The following DAB1 variants were observed in gnomAD, a reference collection of about 807,000 sequenced individuals.
The protein encoded by DAB1 is DAB adaptor protein 1.
DAB1 carries 15 observed loss-of-function variants against 64.6 expected under a neutral mutation model. That is an observed-to-expected ratio of 0.23 (90% CI 0.16 to 0.36). The LOEUF is 0.36. DAB1 is among the 10% of genes least tolerant of loss of function. The pLI, the probability that DAB1 is intolerant of heterozygous loss-of-function variation, is 1.00. For missense variants in DAB1, 596 were observed against 706.7 expected (o/e 0.84, Z 1.78); for synonymous variants, 235 against 251.9 (o/e 0.93, Z 0.64).
At chr1:58,286,502 C>A (rs1170609206) in intron 4 of DAB1, among the ~76,000 whole-genome samples, 1 of 152,074 alleles carries the variant, frequency 6.6e-6, no homozygotes, top group Non-Finnish European at 1.5e-5. Context: ...GAAAAGTGGA[C>A]AAAGGACATG....
intron 4 of DAB1, among the ~76,000 whole-genome samples, chr1:58,224,945 G>A (rs1659381192): frequency 1.3e-5 from 2 of 152,140 alleles, no homozygotes; most frequent in Admixed American, 1.3e-4. Flanking sequence ...GGCAACAAAA[G>A]CCAAAATTGA....
At chr1:58,325,256 T>C (rs985664499) in intron 4 of DAB1, among the ~76,000 whole-genome samples, 3 of 152,360 alleles carry the variant, frequency 2.0e-5, no homozygotes, top group South Asian at 2.1e-4. Flanking sequence ...GTTTACCCCA[T>C]GGGGGCTGTG....
chr1:57,964,829 G>A (rs1278952974), intron 5 of DAB1, among the ~76,000 whole-genome samples: 1 of 152,164 alleles, frequency 6.6e-6, no homozygotes, highest in East Asian at 1.9e-4. Flanking sequence ...AGGAAAGAGG[G>A]AGGCAGGAAG....
chr1:57,002,395 A>G lies in DAB1; in HGVS notation c.*16-4267T>C, dbSNP rs138210924. ...AGGCATCTCTGAAAGAGGGTGTTAG[A>G]AAGAATGTATCACAAGATTTGGGCT... On this transcript the variant is annotated intron_variant, in intron 14 of 14. Coordinates refer to ENST00000371236, the MANE Select transcript of DAB1 (RefSeq NM_001365792.1). 3.6e-3 allele frequency among the ~76,000 whole-genome samples: 552 copies of G among 152,308 alleles called. 2 individuals are homozygous for G. The highest frequency in any genetic ancestry group is 0.012 in the African/African-American group (505 of 41,550).
rs1356254379 is a variant in DAB1 at position 57,004,673 on chromosome 1, A to G, written c.*15+6007T>C. Among the ~76,000 whole-genome samples the G allele has an allele frequency of 5.9e-5, 9 of 152,334 alleles. No individual in the cohort carries two copies. In the East Asian group the frequency reaches 1.7e-3, roughly 29 times the overall value. ...TTAGGACTAGCTCAGTGGGAGTTTT[A>G]CATTCCTTGGCTTGACAAATGAAAA... On this transcript the variant is annotated intron_variant, in intron 14 of 14. Transcript: ENST00000371236.
rs146915739 is a variant in DAB1, at chr1:58,143,237, C to A, written n.387+7274G>T. Among the ~76,000 whole-genome samples, 302 of 152,232 alleles carry A rather than the reference C, an allele frequency of 2.0e-3. 1 individual carries two copies. The highest frequency in any genetic ancestry group is 6.1e-3 in the African/African-American group (254 of 41,554). ...ATGCTTTATTGAATGGAAGTGTTTA[C>A]ATGACACAGCCCCTAACATGCTGGT... On this transcript the variant is annotated intron_variant and non_coding_transcript_variant, in intron 5 of 20. Transcript: ENST00000485760.
At chr1:58,443,613 A>C (rs1275854453) in intron 3 of DAB1, among the ~76,000 whole-genome samples, 1 of 152,246 alleles carries the variant, frequency 6.6e-6, no homozygotes, top group African/African-American at 2.4e-5. Context: ...GTAAGATATT[A>C]ACCTTGCGGA....
At chr1:57,081,467 A>C (rs1313886942) in intron 4 of DAB1, among the ~76,000 whole-genome samples, 1 of 152,216 alleles carries the variant, frequency 6.6e-6, no homozygotes, top group Non-Finnish European at 1.5e-5. Context: ...AAGTCATCAG[A>C]AAAAGAAAAG....
intron 2 of DAB1, among the ~76,000 whole-genome samples, chr1:57,243,653 G>A (rs1359063574): frequency 1.3e-5 from 2 of 152,162 alleles, no homozygotes; most frequent in Non-Finnish European, 2.9e-5. Flanking sequence ...GGCCAGGAAG[G>A]TTTCAATGCA....
chr1:57,387,632 A>G (rs1681984386), intron 1 of DAB1, among the ~76,000 whole-genome samples: 1 of 151,964 alleles, frequency 6.6e-6, no homozygotes, highest in Admixed American at 6.6e-5. Context: ...GAGTAGCTTG[A>G]CCGATGTGGT....
At chr1:57,873,322 G>C (rs1227111366) in intron 1 of DAB1, among the ~76,000 whole-genome samples, 1 of 152,064 alleles carries the variant, frequency 6.6e-6, no homozygotes, top group South Asian at 2.1e-4. Context: ...AGTAGGGTGA[G>C]AGCAGGGTCT....
At chr1:57,398,183 G>T (rs1465400024) in intron 1 of DAB1, among the ~76,000 whole-genome samples, 1 of 152,222 alleles carries the variant, frequency 6.6e-6, no homozygotes, top group East Asian at 1.9e-4. Flanking sequence ...CCCATAGGCG[G>T]CAGAGAGAAT....
rs140474077 is a variant in DAB1, at chr1:57,859,991, T to C, written n.87+24008A>G. ...TGTTCTGATCTTCAGAGCTTTTTCA[T>C]ATCCCTAATTTCATGTGGGCTCCTG... On this transcript the variant is annotated intron_variant and non_coding_transcript_variant, in intron 1 of 1. Transcript: ENST00000477280. Among the ~76,000 whole-genome samples the C allele has an allele frequency of 8.7e-4, 132 of 152,318 alleles. 1 individual carries two copies. The highest frequency in any genetic ancestry group is 3.0e-3 in the African/African-American group (125 of 41,576).
intron 3 of DAB1, among the ~76,000 whole-genome samples, chr1:58,371,354 AG>A (rs1644262685): frequency 6.6e-6 from 1 of 152,246 alleles, no homozygotes; most frequent in Non-Finnish European, 1.5e-5. Flanking sequence ...ATTTCTAAGC[AG>A]CAAAGCATTC....
In DAB1 at chr1:57,208,790, T is replaced by C. The variant is rs370408730; in HGVS notation, c.68-63361A>G. Among the ~76,000 whole-genome samples, 4 of 152,288 alleles carry C rather than the reference T, an allele frequency of 2.6e-5. No homozygotes were observed. The East Asian group carries it at 5.8e-4, about 22-fold the overall frequency. ...TTTTGTAGATGAGGAAACTGAGGCC[T>C]AGAAAAGTTAAGAGCTAAAGACATG... On this transcript the variant is annotated intron_variant, in intron 2 of 14. Coordinates refer to ENST00000371236, the MANE Select transcript of DAB1 (RefSeq NM_001365792.1).
chr1:57,845,132 G>T (rs1003299441), intron 1 of DAB1, among the ~76,000 whole-genome samples: 1 of 152,102 alleles, frequency 6.6e-6, no homozygotes, highest in African/African-American at 2.4e-5. Context: ...TCATGATATG[G>T]CCCTTAGAAA....
chr1:57,168,505 T>C (rs1485988586), intron 2 of DAB1, among the ~76,000 whole-genome samples: 1 of 152,192 alleles, frequency 6.6e-6, no homozygotes, highest in East Asian at 1.9e-4. Context: ...CTGTGAATTT[T>C]TCTGTACCAT....
At chr1:58,376,882 A>G (rs1644333073) in intron 3 of DAB1, among the ~76,000 whole-genome samples, 2 of 109,726 alleles carry the variant, frequency 1.8e-5, no homozygotes, top group Middle Eastern at 8.1e-3. Context: ...GTGCATATAT[A>G]TTTAGGATAG....
intron 4 of DAB1, among the ~76,000 whole-genome samples, chr1:58,325,690 T>C (rs1662805983): frequency 6.6e-6 from 1 of 152,210 alleles, no homozygotes; most frequent in African/African-American, 2.4e-5. Context: ...ATTAAATCAG[T>C]GCTGTATGTA....
Sources: gnomAD v4.1 joint callset for allele counts (sites outside exome capture counted in the v4.1 genomes callset) on GRCh38, gnomAD v4.1.1 for gene constraint, MANE v1.5 for transcripts, NCBI Gene and HGNC (gene_info 2026-07-23, HGNC 2026-07-21) for gene names.